Variants in ANK3 observed in about 807,000 individuals in gnomAD.
The protein encoded by ANK3 is ankyrin 3, also known as ankyrin-3.
A neutral mutation model predicts 370.9 loss-of-function variants in ANK3; 57 were observed. That is an observed-to-expected ratio of 0.15 (90% confidence interval 0.12 to 0.19). The LOEUF is 0.19. Ranked by LOEUF, ANK3 falls within the 10% of genes least tolerant of loss-of-function variation. ANK3 has a pLI of 1.00. For missense variants in ANK3, 4,439 were observed against 5,302.1 expected (o/e 0.84, Z 5.06); for synonymous variants, 1,929 against 1,946.3 (o/e 0.99, Z 0.23).
intron 2 of ANK3, among the ~76,000 whole-genome samples, chr10:60,565,450 C>T (rs1161713348): frequency 1.3e-5 from 2 of 152,190 alleles, no homozygotes; most frequent in Non-Finnish European, 2.9e-5. Flanking sequence ...GTCCACGTCA[C>T]AGGGGTTGGG....
At chr10:60,054,526 A>G (rs187323408) in intron 42 of ANK3, among the ~76,000 whole-genome samples, 1 of 152,342 alleles carries the variant, frequency 6.6e-6, no homozygotes, top group African/African-American at 2.4e-5. Flanking sequence ...CAGGGAAAAA[A>G]AAATAGATGA....
At chr10:60,484,505 A>G (rs1021321145) in intron 2 of ANK3, among the ~76,000 whole-genome samples, 1 of 152,212 alleles carries the variant, frequency 6.6e-6, no homozygotes, top group Non-Finnish European at 1.5e-5. Context: ...TGAGTTGGTC[A>G]TTAAGCTGGG....
At chr10:60,404,824 G>A (rs1423064529) in intron 2 of ANK3, among the ~76,000 whole-genome samples, 1 of 152,052 alleles carries the variant, frequency 6.6e-6, no homozygotes, top group Non-Finnish European at 1.5e-5. Context: ...ATCCGTCCAA[G>A]GATCAGTGTC....
chr10:60,264,693 G>T (rs1258333957), intron 5 of ANK3, among the ~76,000 whole-genome samples: 1 of 151,662 alleles, frequency 6.6e-6, no homozygotes, highest in Non-Finnish European at 1.5e-5. Flanking sequence ...TTTCAAAGGA[G>T]ATCATTTAAA....
At chr10:60,350,323 A>G (rs974295021) in intron 1 of ANK3, among the ~76,000 whole-genome samples, 1 of 152,162 alleles carries the variant, frequency 6.6e-6, no homozygotes, top group Non-Finnish European at 1.5e-5. Context: ...GGGGGAGGGA[A>G]TGAATTAGGA....
intron 1 of ANK3, among the ~76,000 whole-genome samples, chr10:60,287,558 GTAT>G (rs1388705676): frequency 6.6e-6 from 1 of 152,196 alleles, no homozygotes; most frequent in African/African-American, 2.4e-5. Context: ...CATTTTACAT[GTAT>G]TATTATTATG....
At chr10:60,043,887 AAGTAT>A (rs2076528085) in intron 42 of ANK3, 1 of 985,104 alleles carries the variant, frequency 1.0e-6, no homozygotes, top group Admixed American at 6.1e-5. Context: ...TAAAAAAAAA[AAGTAT>A]GTAACAAAGA....
chr10:60,300,169 A>T, intron 1 of ANK3: 1 of 426,152 alleles, frequency 2.3e-6, no homozygotes, highest in Non-Finnish European at 4.6e-6. Context: ...CCATTGTCCT[A>T]CACATATTTA....
intron 2 of ANK3, among the ~76,000 whole-genome samples, chr10:60,396,852 T>C (rs1392484190): frequency 6.6e-6 from 1 of 152,220 alleles, no homozygotes; most frequent in Non-Finnish European, 1.5e-5. Context: ...TTTCTGTATC[T>C]GTAACATGAA....
At chr10:60,411,429 G>A (rs2063558264) in intron 2 of ANK3, among the ~76,000 whole-genome samples, 1 of 152,162 alleles carries the variant, frequency 6.6e-6, no homozygotes, top group Admixed American at 6.6e-5. Context: ...GTTCTTTTGT[G>A]TGTATGAGAA....
At chr10:60,430,114 T>C (rs1173665307) in intron 2 of ANK3, among the ~76,000 whole-genome samples, 9 of 152,216 alleles carry the variant, frequency 5.9e-5, no homozygotes, top group Non-Finnish European at 1.3e-4. Context: ...TAATGATCAT[T>C]TCAGAGTCCA....
intron 41 of ANK3, 65 bp from the exon 42 acceptor site, chr10:60,056,101 T>G: frequency 6.6e-7 from 1 of 1,507,508 alleles, no homozygotes; most frequent in Non-Finnish European, 8.8e-7. Context: ...GCAGAAACTC[T>G]AAAGTTTTAA....
At chr10:60,123,142 G>T (rs1425426472) in intron 25 of ANK3, among the ~76,000 whole-genome samples, 1 of 152,020 alleles carries the variant, frequency 6.6e-6, no homozygotes, top group African/African-American at 2.4e-5. Context: ...CCTAGCACTG[G>T]GTGGCTTTAA....
chr10:60,691,154 C>T (rs908183953), intron 1 of ANK3, among the ~76,000 whole-genome samples: 5 of 152,182 alleles, frequency 3.3e-5, no homozygotes, highest in African/African-American at 4.8e-5. Context: ...CATGGCAAGT[C>T]TCCCCATCTT....
intron 2 of ANK3, among the ~76,000 whole-genome samples, chr10:60,395,590 TTCTTTCTTTCTTTCTTTCTC>T (rs2063211168): frequency 1.6e-5 from 2 of 122,886 alleles, no homozygotes; most frequent in Non-Finnish European, 3.3e-5. Context: ...CTTTCTTTCT[TTCTTTCTTTCTTTCTTTCTC>T]TCTTTCGTTC....
chr10:60,034,106 G>GTTTTTT (rs61678524), intron 43 of ANK3, among the ~76,000 whole-genome samples: 4 of 115,894 alleles, frequency 3.5e-5, no homozygotes, highest in African/African-American at 1.1e-4. Context: ...TTGTTTTTTG[G>GTTTTTT]TTTTTTTTTT....
At position 60,052,326 on chromosome 10, in the gene ANK3, T is replaced by TCAACAA. The variant is rs533908310; in HGVS notation, c.13065+3326_13065+3331dup. 2.6e-5 allele frequency among the ~76,000 whole-genome samples: 4 copies of TCAACAA among 152,028 alleles called. No individual in the cohort carries two copies. In the East Asian group the frequency reaches 5.8e-4, roughly 22 times the overall value. On this transcript the variant is annotated intron_variant, in intron 42 of 43. Coordinates refer to ENST00000280772, the MANE Select transcript of ANK3 (RefSeq NM_020987.5). The stretch of plus-strand genomic sequence containing the variant: ...CTGGGCAATAGGGCAAGACTCCGTC[T>TCAACAA]CAACAACAACAACAACAACAAGTAA...
chr10:60,041,167 T>G (rs1300493948), intron 43 of ANK3, among the ~76,000 whole-genome samples: 1 of 152,210 alleles, frequency 6.6e-6, no homozygotes, highest in Non-Finnish European at 1.5e-5. Flanking sequence ...CATCCACCAG[T>G]GCCCCTTCCA....
intron 2 of ANK3, among the ~76,000 whole-genome samples, chr10:60,420,052 C>T (rs113694249): frequency 3.4e-4 from 51 of 152,160 alleles, no homozygotes; most frequent in African/African-American, 1.1e-3. Flanking sequence ...TCCACTTTGA[C>T]GCCATTAAGC....
Sources: allele counts gnomAD v4.1 joint callset (sites outside exome capture counted in the v4.1 genomes callset), GRCh38; gene constraint gnomAD v4.1.1; transcripts MANE v1.5; gene names NCBI Gene and HGNC (gene_info 2026-07-23, HGNC 2026-07-21).